Variants in RARB observed in about 807,000 individuals in gnomAD.
RARB encodes the protein HBV-activated protein.
RARB carries 17 observed loss-of-function variants against 51.9 expected under a neutral mutation model. The ratio of observed to expected loss-of-function variants is 0.33; its 90% CI spans 0.22 to 0.49. The LOEUF (loss-of-function observed/expected upper bound fraction) is 0.49. Among genes scored for constraint, RARB ranks in the 20% least tolerant of loss-of-function variants. The pLI, the probability that RARB is intolerant of heterozygous loss-of-function variation, is 0.99. For synonymous variants in RARB, 215 were observed against 195.4 expected (o/e 1.10, Z -0.84); for missense variants, 369 against 550.8 (o/e 0.67, Z 3.30).
chr3:24,965,351 C>T (rs998285880), intron 2 of RARB, among the ~76,000 whole-genome samples: 2 of 152,150 alleles, frequency 1.3e-5, no homozygotes, highest in African/African-American at 4.8e-5. Flanking sequence ...ACCAGAAATA[C>T]ATTAATTGAG....
intron 2 of RARB, among the ~76,000 whole-genome samples, chr3:24,888,932 G>C (rs1016740580): frequency 6.6e-6 from 1 of 152,132 alleles, no homozygotes; most frequent in Non-Finnish European, 1.5e-5. Flanking sequence ...TGACAGTCCT[G>C]GATCTTATTT....
chr3:25,206,146 A>G (rs1195632888), intron 5 of RARB, among the ~76,000 whole-genome samples: 2 of 152,210 alleles, frequency 1.3e-5, no homozygotes, highest in Non-Finnish European at 2.9e-5. Context: ...GATGATGATA[A>G]TATGGCTAAA....
intron 5 of RARB, among the ~76,000 whole-genome samples, chr3:25,403,676 C>T (rs985828126): frequency 6.6e-6 from 1 of 151,994 alleles, no homozygotes; most frequent in African/African-American, 2.4e-5. Context: ...TGACAAGAGA[C>T]TGTATCTCAA....
rs193203034 is a variant in RARB, at chr3:24,885,581, G to T, written c.-380+26829G>T. On this transcript the variant is annotated intron_variant, in intron 2 of 11. Transcript: ENST00000383772. ...TATAGTGTAGCTCTAAATCACTAAC[G>T]TCAAAATGAACCTACATTTTTATGA... Among the ~76,000 whole-genome samples the T allele has an allele frequency of 3.2e-4, 48 of 152,194 alleles. 1 individual carries two copies. The highest frequency in any genetic ancestry group is 3.1e-3 in the Admixed American group (48 of 15,276).
intron 2 of RARB, among the ~76,000 whole-genome samples, chr3:24,987,617 A>G (rs1696822404): frequency 6.6e-6 from 1 of 152,234 alleles, no homozygotes; most frequent in Admixed American, 6.5e-5. Flanking sequence ...ACTGTTCTAC[A>G]CCACTAATGG....
Position 25,208,717 on chromosome 3 carries a change from T to C in RARB, c.178+34142T>C, listed in dbSNP as rs138850445. ...TTATTTGTTTTACAGAAGAAATGTATTTCCTTTCTTAAAGCAATGAGATCT... is the reference window on the plus strand; with the variant it reads ...TTATTTGTTTTACAGAAGAAATGTACTTCCTTTCTTAAAGCAATGAGATCT... On this transcript the variant is annotated intron_variant, in intron 5 of 11. Coordinates refer to the RARB transcript ENST00000383772. 2.3e-3 allele frequency among the ~76,000 whole-genome samples: 343 copies of C among 152,278 alleles called. 2 individuals carry two copies. Among genetic ancestry groups the C allele is most frequent in the Non-Finnish European group, 2.8e-3 (193 of 68,020 alleles).
At chr3:25,020,859 C>T (rs1044615846) in intron 2 of RARB, among the ~76,000 whole-genome samples, 4 of 152,274 alleles carry the variant, frequency 2.6e-5, no homozygotes, top group Middle Eastern at 3.4e-3. Flanking sequence ...ATCCCAGGTA[C>T]TTGGGAGGCT....
intron 5 of RARB, among the ~76,000 whole-genome samples, chr3:25,387,856 C>T (rs1032427358): frequency 6.6e-5 from 10 of 151,800 alleles, no homozygotes; most frequent in African/African-American, 2.4e-4. Flanking sequence ...AATATCCCAG[C>T]TTTATCCTTA....
intron 2 of RARB, among the ~76,000 whole-genome samples, chr3:25,007,775 T>C (rs1697308167): frequency 6.6e-6 from 1 of 151,988 alleles, no homozygotes; most frequent in South Asian, 2.1e-4. Context: ...GTTTTAATCT[T>C]CATTTTCAAT....
chr3:25,522,844 T>C (rs1463583270), intron 3 of RARB, among the ~76,000 whole-genome samples: 3 of 152,144 alleles, frequency 2.0e-5, no homozygotes, highest in African/African-American at 7.2e-5. Context: ...GGTGCTTGGC[T>C]TAAGGTTCTG....
At position 25,170,799 on chromosome 3, in the gene RARB, G is replaced by A. The variant is rs192544113; in HGVS notation, c.-279-3320G>A. On this transcript the variant is annotated intron_variant, in intron 4 of 11. Coordinates refer to the RARB transcript ENST00000383772. The stretch of plus-strand genomic sequence containing the variant: ...GAAAAATTATATACATATGTGTGGA[G>A]AAAAATAGAAAAATAAATTATTTTG... Among the ~76,000 whole-genome samples, 826 of 152,032 alleles carry A rather than the reference G, an allele frequency of 5.4e-3. 7 individuals are homozygous for A. Among genetic ancestry groups the A allele is most frequent in the African/African-American group, 0.019 (777 of 41,462 alleles).
chr3:25,252,066 T>C (rs1223006593), intron 5 of RARB, among the ~76,000 whole-genome samples: 1 of 152,168 alleles, frequency 6.6e-6, no homozygotes, highest in African/African-American at 2.4e-5. Context: ...ATCTTACTCT[T>C]TTACATGTGA....
chr3:25,579,985 C>G (rs1701101241), intron 4 of RARB, among the ~76,000 whole-genome samples: 1 of 152,154 alleles, frequency 6.6e-6, no homozygotes, highest in Non-Finnish European at 1.5e-5. Flanking sequence ...TCATTCCTTT[C>G]TTGTTTGTTA....
Position 24,987,700 on chromosome 3 carries a change from A to C in RARB, c.-379-72425A>C, listed in dbSNP as rs551313057. On this transcript the variant is annotated intron_variant, in intron 2 of 11. Transcript: ENST00000383772. Reference sequence around the variant, plus strand: ...CCTGGTGGAAAAAGATGATTTTTCCAAATTTGACTCCACATACTTTTAAAT... The same window carrying C: ...CCTGGTGGAAAAAGATGATTTTTCCCAATTTGACTCCACATACTTTTAAAT... Among the ~76,000 whole-genome samples, 3 of 152,352 alleles carry C rather than the reference A, an allele frequency of 2.0e-5. No homozygotes were observed. In the East Asian group the frequency reaches 5.8e-4, roughly 29 times the overall value.
At chr3:25,147,776 G>A (rs1291098160) in intron 4 of RARB, among the ~76,000 whole-genome samples, 2 of 152,202 alleles carry the variant, frequency 1.3e-5, no homozygotes, top group African/African-American at 4.8e-5. Context: ...ATTGCAAAGA[G>A]GGCTGGACAT....
At chr3:25,504,588 A>G (rs1697477131) in intron 3 of RARB, among the ~76,000 whole-genome samples, 1 of 152,148 alleles carries the variant, frequency 6.6e-6, no homozygotes. Context: ...TCAGAAAGAC[A>G]GGAGGCAAAA....
At chr3:24,923,642 T>C (rs1156282370) in intron 2 of RARB, among the ~76,000 whole-genome samples, 1 of 152,130 alleles carries the variant, frequency 6.6e-6, no homozygotes, top group Non-Finnish European at 1.5e-5. Context: ...GCCCTTTGCT[T>C]AGGGCAAGGT....
intron 2 of RARB, among the ~76,000 whole-genome samples, chr3:25,017,027 G>C (rs1334701311): frequency 6.6e-6 from 1 of 152,246 alleles, no homozygotes; most frequent in African/African-American, 2.4e-5. Context: ...TTACAAATGA[G>C]TCACCAAAGT....
chr3:25,410,905 A>G (rs1276687702), intron 5 of RARB, among the ~76,000 whole-genome samples: 1 of 152,192 alleles, frequency 6.6e-6, no homozygotes, highest in Non-Finnish European at 1.5e-5. Context: ...GGAGCATACT[A>G]CTGGGCAAAG....
Sources: gnomAD v4.1 joint callset for allele counts (sites outside exome capture counted in the v4.1 genomes callset) on GRCh38, gnomAD v4.1.1 for gene constraint, MANE v1.5 for transcripts, NCBI Gene and HGNC (gene_info 2026-07-23, HGNC 2026-07-21) for gene names.